Variants in GRIA1 observed in about 807,000 individuals in gnomAD.
GRIA1 encodes the protein glutamate ionotropic receptor AMPA type subunit 1.
GRIA1 carries 31 observed loss-of-function variants against 99.2 expected under a neutral mutation model. That is an observed-to-expected ratio of 0.31 (90% CI 0.23 to 0.42). The LOEUF is 0.42. Ranked by LOEUF, GRIA1 falls within the 10% of genes least tolerant of loss-of-function variation. The pLI is 1.00. For missense variants in GRIA1, 782 were observed against 1,157.5 expected (o/e 0.68, Z 4.71); for synonymous variants, 438 against 432.4 (o/e 1.01, Z -0.16).
chr5:153,724,630 T>C, intron 11 of GRIA1, among the ~76,000 whole-genome samples: 1 of 152,146 alleles, frequency 6.6e-6, no homozygotes, highest in Non-Finnish European at 1.5e-5. Flanking sequence ...TGCGATCAAC[T>C]GGAAGAAAGG....
intron 5 of GRIA1, among the ~76,000 whole-genome samples, chr5:153,672,232 T>C (rs1756241293): frequency 6.6e-6 from 1 of 152,192 alleles, no homozygotes; most frequent in African/African-American, 2.4e-5. Flanking sequence ...TACTGACTCT[T>C]CATCTGTCAT....
chr5:153,707,303 A>G (rs1260886325), intron 11 of GRIA1, among the ~76,000 whole-genome samples: 1 of 152,122 alleles, frequency 6.6e-6, no homozygotes, highest in African/African-American at 2.4e-5. Flanking sequence ...AAAGTGACTG[A>G]AGCTAAGAAA....
intron 2 of GRIA1, among the ~76,000 whole-genome samples, chr5:153,525,746 T>C (rs985442312): frequency 2.0e-5 from 3 of 152,170 alleles, no homozygotes; most frequent in African/African-American, 7.2e-5. Flanking sequence ...GTAGCTGGAA[T>C]ACAAACCACA....
chr5:153,553,236 C>G (rs997513102), intron 2 of GRIA1, among the ~76,000 whole-genome samples: 1 of 152,192 alleles, frequency 6.6e-6, no homozygotes, highest in African/African-American at 2.4e-5. Context: ...ATGGGATTCC[C>G]ATTTTATGAT....
chr5:153,529,398 C>CT (rs1229734653), intron 2 of GRIA1, among the ~76,000 whole-genome samples: 3 of 152,154 alleles, frequency 2.0e-5, no homozygotes, highest in Admixed American at 2.0e-4. Context: ...ACTGTAACCT[C>CT]TGAGTTCAGG....
chr5:153,685,164 T>C (rs1227646753), intron 7 of GRIA1, among the ~76,000 whole-genome samples: 1 of 152,188 alleles, frequency 6.6e-6, no homozygotes, highest in African/African-American at 2.4e-5. Context: ...AGTAGACACC[T>C]CACCTCACTG....
intron 5 of GRIA1, among the ~76,000 whole-genome samples, chr5:153,667,734 T>G (rs1424723968): frequency 1.3e-5 from 2 of 152,142 alleles, no homozygotes; most frequent in Non-Finnish European, 2.9e-5. Context: ...TCTTTCCAAT[T>G]GCACGTGATA....
chr5:153,751,023 C>G (rs1762476918), intron 11 of GRIA1, among the ~76,000 whole-genome samples: 1 of 152,108 alleles, frequency 6.6e-6, no homozygotes, highest in African/African-American at 2.4e-5. Context: ...TTGCTTGAGC[C>G]TGGGAGGCAG....
At chr5:153,770,710 G>A (rs1174107784) in intron 13 of GRIA1, among the ~76,000 whole-genome samples, 1 of 152,146 alleles carries the variant, frequency 6.6e-6, no homozygotes, top group Non-Finnish European at 1.5e-5. Flanking sequence ...CTTTTGTCGT[G>A]TGATCTGTAA....
At chr5:153,689,019 CT>C (rs1561769902) in intron 8 of GRIA1, among the ~76,000 whole-genome samples, 1 of 151,828 alleles carries the variant, frequency 6.6e-6, no homozygotes, top group African/African-American at 2.4e-5. Flanking sequence ...CGCCCCCAGG[CT>C]TTTTTTTCTT....
Position 153,811,247 on chromosome 5 carries a change from T to C in GRIA1, c.*22T>C. The C allele has an allele frequency of 6.3e-7, 1 of 1,596,402 alleles. No individual in the cohort carries two copies. Among genetic ancestry groups the C allele is most frequent in the Non-Finnish European group, 8.6e-7 (1 of 1,164,132 alleles). ...GTAACTGGAGCAGATGGAGACCCCT[T>C]GGGGAGCAGGCTCGGGCTCCCCAGC... On this transcript the variant is annotated 3_prime_UTR_variant, in exon 16 of 16. Transcript: ENST00000285900.
chr5:153,799,140 T>C (rs1340372028), intron 14 of GRIA1, among the ~76,000 whole-genome samples: 1 of 152,106 alleles, frequency 6.6e-6, no homozygotes, highest in Non-Finnish European at 1.5e-5. Context: ...AATAGGAGAA[T>C]GGGGTACCCT....
chr5:153,499,216 A>G (rs1754727364), intron 2 of GRIA1, among the ~76,000 whole-genome samples: 1 of 152,196 alleles, frequency 6.6e-6, no homozygotes, highest in African/African-American at 2.4e-5. Context: ...ACTGAGACTG[A>G]GAGAGATTGT....
chr5:153,667,376 G>T (rs1476835688), intron 5 of GRIA1, among the ~76,000 whole-genome samples: 2 of 152,178 alleles, frequency 1.3e-5, no homozygotes, highest in Non-Finnish European at 2.9e-5. Context: ...AGGAAATCCA[G>T]CTTTGAAGAT....
chr5:153,799,888 G>A (rs941943400), intron 14 of GRIA1, among the ~76,000 whole-genome samples: 14 of 151,986 alleles, frequency 9.2e-5, no homozygotes, highest in East Asian at 5.8e-4. Context: ...TCCACCCCCC[G>A]TCCATATGAA....
chr5:153,637,222 T>C (rs1156738068), intron 2 of GRIA1, among the ~76,000 whole-genome samples: 2 of 152,248 alleles, frequency 1.3e-5, no homozygotes, highest in African/African-American at 4.8e-5. Flanking sequence ...TAGTGACTAC[T>C]ATGCAAACAT....
chr5:153,610,346 A>G (rs1765871310), intron 2 of GRIA1, among the ~76,000 whole-genome samples: 1 of 152,240 alleles, frequency 6.6e-6, no homozygotes, highest in Non-Finnish European at 1.5e-5. Flanking sequence ...CCTTTCAGTG[A>G]TCAGGAAATC....
chr5:153,745,156 G>A (rs189207601), intron 11 of GRIA1, among the ~76,000 whole-genome samples: 6 of 151,946 alleles, frequency 3.9e-5, no homozygotes, highest in South Asian at 4.1e-4. Context: ...TTTTTCTCAC[G>A]TCTAGATTAT....
chr5:153,592,115 T>C (rs1250770904), intron 2 of GRIA1, among the ~76,000 whole-genome samples: 3 of 152,200 alleles, frequency 2.0e-5, no homozygotes, highest in African/African-American at 4.8e-5. Context: ...GGGAGGAGTA[T>C]GGCCATGAAA....
Sources: gnomAD v4.1 joint callset for allele counts (sites outside exome capture counted in the v4.1 genomes callset) on GRCh38, gnomAD v4.1.1 for gene constraint, MANE v1.5 for transcripts, NCBI Gene and HGNC (gene_info 2026-07-23, HGNC 2026-07-21) for gene names.